PLCG1: variants seen among roughly 807,000 people sequenced by gnomAD.
The protein encoded by PLCG1 is 1-phosphatidylinositol 4,5-bisphosphate phosphodiesterase gamma-1.
PLCG1 carries 71 observed loss-of-function variants against 177.8 expected under a neutral mutation model. The observed-to-expected ratio is 0.40, with a 90% CI of 0.33 to 0.49. The LOEUF is 0.49. Ranked by LOEUF, PLCG1 falls within the 20% of genes least tolerant of loss-of-function variation. The pLI is 0.72. For missense variants in PLCG1, 1,281 were observed against 1,709.0 expected (o/e 0.75, Z 4.42); for synonymous variants, 658 against 647.9 (o/e 1.02, Z -0.24).
At chr20:41,162,828 G>A in intron 6 of PLCG1, 103 bp downstream of exon 6, 2 of 1,343,220 alleles carry the variant, frequency 1.5e-6, no homozygotes, top group Non-Finnish European at 2.1e-6. Flanking sequence ...GGGGCTTTTG[G>A]GTGCCATTTC....
chr20:41,152,851 G>A (rs886443572), intron 1 of PLCG1, among the ~76,000 whole-genome samples: 21 of 152,384 alleles, frequency 1.4e-4, no homozygotes, highest in African/African-American at 5.0e-4. Flanking sequence ...CCCCTGGCCT[G>A]GGCCTGGTGG....
chr20:41,171,250 C>T (rs1298513275), intron 24 of PLCG1, among the ~76,000 whole-genome samples: 2 of 152,106 alleles, frequency 1.3e-5, no homozygotes, highest in Non-Finnish European at 2.9e-5. Context: ...GGTTGAAGGA[C>T]TGGATCTGGG....
chr20:41,142,784 AACCTGTATAAAGTGCTTAGC>A (rs1267843170), intron 1 of PLCG1, among the ~76,000 whole-genome samples: 3 of 152,072 alleles, frequency 2.0e-5, no homozygotes, highest in African/African-American at 4.8e-5. Context: ...ATTTGATGAG[AACCTGTATAAAGTGCTTAGC>A]ACCTGTATAA....
chr20:41,172,733 G>A lies in PLCG1; in HGVS notation c.3135G>A (p.Lys1045=). 6.2e-6 allele frequency: 10 copies of A among 1,614,054 alleles called. No homozygotes were observed. Among genetic ancestry groups the A allele is most frequent in the Non-Finnish European group, 8.5e-6 (10 of 1,179,996 alleles). Residue 1045 remains lysine (K), a synonymous_variant, in exon 27 of 32, where the codon AAG becomes AAA. Transcript: ENST00000685551. The surrounding 1 kb of genome is among the most constrained non-coding windows in gnomAD (Gnocchi z 7.0). ...ACCATAATCTGCCTCTTCCAGACAA[G>A]CCTATGCAGATGAACCAGGCCCTCT... The part of the protein sequence containing the change: ...LVALNFQTPD[K]PMQMNQALFM...
Position 41,149,956 on chromosome 20 carries a change from G to A in PLCG1, c.218-9650G>A, listed in dbSNP as rs568469526. Among the ~76,000 whole-genome samples the A allele has an allele frequency of 3.2e-4, 49 of 152,328 alleles. No individual in the cohort carries two copies. The South Asian group carries it at 9.9e-3, about 31-fold the overall frequency. Reference sequence around the variant, plus strand: ...TGCCTGTAATCCCAGCTCTTTGGGAGGCCAAGACTGGCGAGTCATTTGAGC... The same window carrying A: ...TGCCTGTAATCCCAGCTCTTTGGGAAGCCAAGACTGGCGAGTCATTTGAGC... On this transcript the variant is annotated intron_variant, in intron 1 of 31. Coordinates refer to ENST00000685551, the MANE Select transcript of PLCG1 (RefSeq NM_002660.3).
rs753983945 is a variant in PLCG1 at position 41,164,860 on chromosome 20, C to T, written c.1218-73C>T. Reference sequence around the variant, plus strand: ...CCCCCAGGCCCTTGGCTTCCAACAGCTCACTGTGAGGGGCTACTTAGACCC... The same window carrying T: ...CCCCCAGGCCCTTGGCTTCCAACAGTTCACTGTGAGGGGCTACTTAGACCC... On this transcript the variant is annotated intron_variant, in intron 12 of 31. Transcript: ENST00000685551. This position sits in a 1 kb window ranked among gnomAD's most constrained non-coding sequence, Gnocchi z 6.4. 6.1e-6 allele frequency: 9 copies of T among 1,471,604 alleles called. No homozygotes were observed. The highest frequency in any genetic ancestry group is 8.4e-6 in the Non-Finnish European group (9 of 1,075,060). 91.2% of individuals were successfully genotyped at this position (1,471,604 alleles called of 1,614,324 possible).
intron 6 of PLCG1, 107 bp from the exon 7 acceptor site, chr20:41,162,851 C>T: frequency 1.5e-6 from 2 of 1,326,890 alleles, no homozygotes; most frequent in South Asian, 2.4e-5. Flanking sequence ...CAGTTCTTCT[C>T]CTCTTGAGGC....
intron 24 of PLCG1, among the ~76,000 whole-genome samples, chr20:41,171,547 A>C (rs181170847): frequency 2.1e-5 from 3 of 139,764 alleles, no homozygotes; most frequent in African/African-American, 8.1e-5. Context: ...AGATCACGCC[A>C]CTGAACTCCA....
At chr20:41,170,451 T>C (rs34068306) in intron 24 of PLCG1, 182 bp downstream of exon 24, 1 of 625,410 alleles carries the variant, frequency 1.6e-6, no homozygotes, top group African/African-American at 1.8e-5. Flanking sequence ...TGCAATGTGG[T>C]GTGTTTAGGT....
chr20:41,161,464 G>A (rs974555733), intron 4 of PLCG1, among the ~76,000 whole-genome samples: 1 of 152,148 alleles, frequency 6.6e-6, no homozygotes, highest in African/African-American at 2.4e-5. Context: ...TATGCTGATG[G>A]GAAAGAGACC....
In PLCG1 at chr20:41,174,041, G is replaced by A. The variant is rs771529308; in HGVS notation, c.3645+30G>A. ...CTGCAGCAGGGGTGGGCTGGCCTGG[G>A]GTAGGTGGGAGGAGAGCCAGGCAGC... On this transcript the variant is annotated intron_variant, in intron 30 of 31. Transcript: ENST00000685551. The surrounding 1 kb of genome is among the most constrained non-coding windows in gnomAD (Gnocchi z 5.8). The A allele has an allele frequency of 6.2e-7, 1 of 1,609,318 alleles. No homozygotes were observed. Among genetic ancestry groups the A allele is most frequent in the Non-Finnish European group, 8.5e-7 (1 of 1,175,924 alleles).
In PLCG1 at chr20:41,167,020, G is replaced by C; in HGVS notation, c.2301+161G>C. Reference sequence around the variant, plus strand: ...GAGCCACAGTGTGGGTACCAGGAGGGTGTCTGCAGGAGGGGACATCTGAGC... The same window carrying C: ...GAGCCACAGTGTGGGTACCAGGAGGCTGTCTGCAGGAGGGGACATCTGAGC... On this transcript the variant is annotated intron_variant, in intron 19 of 31. Transcript: ENST00000685551. This position sits in a 1 kb window ranked among gnomAD's most constrained non-coding sequence, Gnocchi z 4.4. 5 of 662,844 alleles carry C rather than the reference G, an allele frequency of 7.5e-6. No homozygotes were observed. In the South Asian group the frequency reaches 8.8e-5, roughly 12 times the overall value. 41.1% of individuals were successfully genotyped at this position (662,844 alleles called of 1,614,324 possible).
At chr20:41,158,254 C>G (rs1007942572) in intron 1 of PLCG1, among the ~76,000 whole-genome samples, 1 of 152,026 alleles carries the variant, frequency 6.6e-6, no homozygotes, top group African/African-American at 2.4e-5. Flanking sequence ...GTGTGCAGTT[C>G]GGGCTGGAAG....
Position 41,173,582 on chromosome 20 carries a change from A to G in PLCG1, c.3394+48A>G. 6.2e-7 allele frequency: 1 copy of G among 1,613,922 alleles called. No individual in the cohort carries two copies. The highest frequency in any genetic ancestry group is 1.1e-5 in the South Asian group (1 of 91,064). ...CCTCCTCATCCTGCTGGGGCACTGC[A>G]AGCCTCTCCCCACCAGTCATCCCAT... is the stretch of plus-strand genomic sequence containing the variant. On this transcript the variant is annotated intron_variant, in intron 28 of 31. Coordinates refer to ENST00000685551, the MANE Select transcript of PLCG1 (RefSeq NM_002660.3). This position sits in a 1 kb window ranked among gnomAD's most constrained non-coding sequence, Gnocchi z 6.2.
In PLCG1 at chr20:41,137,958, C is replaced by G. The variant is rs1445788599; in HGVS notation, c.217+100C>G. On this transcript the variant is annotated intron_variant, in intron 1 of 31. Coordinates refer to ENST00000685551, the MANE Select transcript of PLCG1 (RefSeq NM_002660.3). This position sits in a 1 kb window ranked among gnomAD's most constrained non-coding sequence, Gnocchi z 7.3. ...CGGCCGGCCGCCCCAGCGACTTGGG[C>G]AAACTTTCGGGCCCTCCCAGACTCC... 1 of 865,824 alleles carries G rather than the reference C, an allele frequency of 1.2e-6. No individual in the cohort carries two copies. Among genetic ancestry groups the G allele is most frequent in the Non-Finnish European group, 1.5e-6 (1 of 646,784 alleles). The allele number at this position is 865,824 out of a possible 1,614,324, so 53.6% of individuals were successfully genotyped here. A position where few individuals can be genotyped will look rare whatever the true frequency, so the allele number is the denominator to read the frequency against.
chr20:41,169,393 G>A lies in PLCG1; in HGVS notation c.2581-64G>A, dbSNP rs866266733. ...CAAGATGTATTTGTCCCATGCACAC[G>A]GATATCCCCTCACACACATATGCAG... is the stretch of plus-strand genomic sequence containing the variant. On this transcript the variant is annotated intron_variant, in intron 22 of 31. Transcript: ENST00000685551. 9.4e-5 allele frequency: 119 copies of A among 1,272,496 alleles called. 1 individual carries two copies. The Middle Eastern group carries it at 7.5e-3, about 80-fold the overall frequency. The allele number at this position is 1,272,496 out of a possible 1,614,324, so 78.8% of individuals were successfully genotyped here.
In PLCG1 at chr20:41,157,935, G is replaced by T. The variant is rs977871731; in HGVS notation, c.218-1671G>T. Among the ~76,000 whole-genome samples, 2 of 152,152 alleles carry T rather than the reference G, an allele frequency of 1.3e-5. No individual in the cohort carries two copies. Among genetic ancestry groups the T allele is most frequent in the African/African-American group, 2.4e-5 (1 of 41,408 alleles). On this transcript the variant is annotated intron_variant, in intron 1 of 31. Coordinates refer to ENST00000685551, the MANE Select transcript of PLCG1 (RefSeq NM_002660.3). The surrounding 1 kb of genome is among the most constrained non-coding windows in gnomAD (Gnocchi z 5.4). ...GAGGGGCTTGAATGAGGTCTAGGGG[G>T]GTCAGAATAATGTTTTATGAAGAGC... is the stretch of plus-strand genomic sequence containing the variant.
At chr20:41,158,180 G>A (rs1457027228) in intron 1 of PLCG1, among the ~76,000 whole-genome samples, 2 of 152,152 alleles carry the variant, frequency 1.3e-5, no homozygotes, top group Non-Finnish European at 2.9e-5. Flanking sequence ...ACAGTTGCTA[G>A]AGGGACAGGA....
At position 41,146,261 on chromosome 20, in the gene PLCG1, G is replaced by A. The variant is rs1439883030; in HGVS notation, c.217+8403G>A. On this transcript the variant is annotated intron_variant, in intron 1 of 31. Coordinates refer to ENST00000685551, the MANE Select transcript of PLCG1 (RefSeq NM_002660.3). The surrounding 1 kb of genome is among the most constrained non-coding windows in gnomAD (Gnocchi z 6.3). ...GTGACCCAGTCCTTGATCCTGAGAAGCTTGTGATCTGGACCATGCAGAAAA... is the reference window on the plus strand; with the variant it reads ...GTGACCCAGTCCTTGATCCTGAGAAACTTGTGATCTGGACCATGCAGAAAA... Among the ~76,000 whole-genome samples, 1 of 152,244 alleles carries A rather than the reference G, an allele frequency of 6.6e-6. No homozygotes were observed. Among genetic ancestry groups the A allele is most frequent in the Non-Finnish European group, 1.5e-5 (1 of 68,040 alleles).
Sources: allele counts gnomAD v4.1 joint callset (sites outside exome capture counted in the v4.1 genomes callset), GRCh38; gene constraint gnomAD v4.1.1; non-coding constraint Gnocchi (gnomAD v3.1); transcripts MANE v1.5; gene names NCBI Gene and HGNC (gene_info 2026-07-23, HGNC 2026-07-21).